MBD5: variants seen among roughly 807,000 people sequenced by gnomAD.
MBD5 encodes the protein methyl-CpG binding domain protein 5.
MBD5 carries 13 observed loss-of-function variants against 117.3 expected under a neutral mutation model. That is an observed-to-expected ratio of 0.11 (90% CI 0.07 to 0.18). The LOEUF is 0.18. MBD5 is among the 10% of genes least tolerant of loss of function. MBD5 has a pLI of 1.00. For synonymous variants in MBD5, 727 were observed against 766.4 expected (o/e 0.95, Z 0.85); for missense variants, 1,879 against 2,093.8 (o/e 0.90, Z 2.00).
At chr2:148,445,498 G>A (rs1706471298) in intron 4 of MBD5, among the ~76,000 whole-genome samples, 1 of 151,206 alleles carries the variant, frequency 6.6e-6, no homozygotes, top group Non-Finnish European at 1.5e-5. Flanking sequence ...AGTATTCCAT[G>A]GTGTATATGT....
At chr2:148,462,814 C>A in intron 6 of MBD5, 130 bp downstream of exon 6, 1 of 675,576 alleles carries the variant, frequency 1.5e-6, no homozygotes, top group Non-Finnish European at 2.6e-6. Flanking sequence ...ATCTAATTCT[C>A]ATATTTTGCA....
Position 148,351,084 on chromosome 2 carries a change from A to T in MBD5, c.-557+8748A>T, listed in dbSNP as rs905368658. Among the ~76,000 whole-genome samples, 10 of 152,170 alleles carry T rather than the reference A, an allele frequency of 6.6e-5. No individual in the cohort carries two copies. In the East Asian group the frequency reaches 1.9e-3, roughly 29 times the overall value. Reference sequence around the variant, plus strand: ...TTAATACCTTAAAAACTAATCAGATATTCATCACATATAATAACACATGAA... The same window carrying T: ...TTAATACCTTAAAAACTAATCAGATTTTCATCACATATAATAACACATGAA... On this transcript the variant is annotated intron_variant, in intron 4 of 13. Transcript: ENST00000642680.
chr2:148,328,577 G>T (rs1485661017), intron 3 of MBD5, among the ~76,000 whole-genome samples: 1 of 152,156 alleles, frequency 6.6e-6, no homozygotes, highest in African/African-American at 2.4e-5. Context: ...GAAAAGCGCA[G>T]TATTCGGGTG....
chr2:148,042,844 C>T (rs942826934), intron 1 of MBD5, among the ~76,000 whole-genome samples: 4 of 152,096 alleles, frequency 2.6e-5, no homozygotes, highest in African/African-American at 9.7e-5. Context: ...ATAAAGGGAT[C>T]GATCTGGTAG....
chr2:148,294,227 TTTTTTTTTTTTTTTTGA>T (rs1489322751), intron 3 of MBD5, among the ~76,000 whole-genome samples: 8 of 138,326 alleles, frequency 5.8e-5, no homozygotes, highest in African/African-American at 2.2e-4. Flanking sequence ...TTTTTTTTTT[TTTTTTTTTTTTTTTTGA>T]GACAGAGTCT....
chr2:148,437,175 G>T (rs1480321668), intron 4 of MBD5, among the ~76,000 whole-genome samples: 2 of 151,768 alleles, frequency 1.3e-5, no homozygotes, highest in East Asian at 1.9e-4. Flanking sequence ...TAGAGATGGG[G>T]TTTCACCATA....
chr2:148,143,500 C>T (rs1025128228), intron 1 of MBD5, among the ~76,000 whole-genome samples: 7 of 152,046 alleles, frequency 4.6e-5, no homozygotes, highest in Non-Finnish European at 7.4e-5. Context: ...TTATACTTTA[C>T]GTTCTAGAGT....
intron 3 of MBD5, chr2:148,243,836 AC>A (rs1056178364): frequency 6.6e-6 from 1 of 152,086 alleles, no homozygotes; most frequent in Non-Finnish European, 1.5e-5. Flanking sequence ...AAACAAAAGC[AC>A]ACATATCACA....
At chr2:148,050,893 A>C (rs1249637339) in intron 1 of MBD5, among the ~76,000 whole-genome samples, 1 of 152,100 alleles carries the variant, frequency 6.6e-6, no homozygotes, top group African/African-American at 2.4e-5. Context: ...TGTTTTAGCT[A>C]TTCAGGGTTC....
chr2:148,445,840 GA>G (rs1367781493), intron 4 of MBD5, among the ~76,000 whole-genome samples: 3 of 151,456 alleles, frequency 2.0e-5, no homozygotes, highest in African/African-American at 7.4e-5. Flanking sequence ...ACTGGTGTGA[GA>G]TGGTATCTCA....
At chr2:148,136,052 A>T (rs1697164383) in intron 1 of MBD5, among the ~76,000 whole-genome samples, 1 of 152,168 alleles carries the variant, frequency 6.6e-6, no homozygotes. Flanking sequence ...GTTATAAACT[A>T]TCTAATCATC....
intron 12 of MBD5, among the ~76,000 whole-genome samples, chr2:148,505,457 C>T (rs1682003222): frequency 6.6e-6 from 1 of 152,090 alleles, no homozygotes; most frequent in African/African-American, 2.4e-5. Context: ...GGAGGAGAAT[C>T]AGGGAAAGTA....
chr2:148,485,244 G>A (rs1315972238), intron 9 of MBD5: 1 of 153,460 alleles, frequency 6.5e-6, no homozygotes, highest in Non-Finnish European at 1.5e-5. Context: ...AAAACAAAAT[G>A]CACGTTTCTA....
At chr2:148,216,770 G>C (rs773709775) in intron 2 of MBD5, among the ~76,000 whole-genome samples, 1 of 152,072 alleles carries the variant, frequency 6.6e-6, no homozygotes, top group Admixed American at 6.6e-5. Flanking sequence ...TTCTCCCCAA[G>C]CCCGTGTTTC....
At chr2:148,163,573 G>A (rs1251954980) in intron 1 of MBD5, among the ~76,000 whole-genome samples, 1 of 151,948 alleles carries the variant, frequency 6.6e-6, no homozygotes, top group African/African-American at 2.4e-5. Context: ...GTGACACCAC[G>A]CCTGGCTAAT....
chr2:148,370,587 C>A (rs995145854), intron 4 of MBD5, among the ~76,000 whole-genome samples: 5 of 152,138 alleles, frequency 3.3e-5, no homozygotes, highest in Admixed American at 6.5e-5. Flanking sequence ...CCACTGGGCT[C>A]AAGTGATCCT....
chr2:148,338,793 G>C (rs759439995), intron 3 of MBD5, among the ~76,000 whole-genome samples: 1 of 152,154 alleles, frequency 6.6e-6, no homozygotes, highest in Non-Finnish European at 1.5e-5. Flanking sequence ...CAATGAATCT[G>C]GACTTCATCC....
intron 1 of MBD5, among the ~76,000 whole-genome samples, chr2:148,082,714 G>A (rs1012020170): frequency 9.2e-5 from 14 of 152,058 alleles, no homozygotes; most frequent in African/African-American, 3.4e-4. Context: ...GACTTAATCT[G>A]CATGTGATTT....
At chr2:148,470,683 T>A (rs1680768135) in intron 8 of MBD5, 1 of 532,130 alleles carries the variant, frequency 1.9e-6, no homozygotes, top group Non-Finnish European at 3.3e-6. Context: ...TTATTTGTTG[T>A]CAATCTGTGT....
Sources: allele counts gnomAD v4.1 joint callset (sites outside exome capture counted in the v4.1 genomes callset), GRCh38; gene constraint gnomAD v4.1.1; transcripts MANE v1.5; gene names NCBI Gene and HGNC (gene_info 2026-07-23, HGNC 2026-07-21).